The following DYNC2I1 variants were observed in gnomAD, a reference collection of about 807,000 sequenced individuals.
DYNC2I1 encodes cytoplasmic dynein 2 intermediate chain 1.
Under a neutral mutation model 133.4 loss-of-function variants are expected in DYNC2I1, and 89 were observed. The observed-to-expected ratio is 0.67, with a 90% CI of 0.56 to 0.80. DYNC2I1 has a LOEUF of 0.80. Ranked by LOEUF, DYNC2I1 falls within the 30% of genes least tolerant of loss-of-function variation. The pLI is 0.00. For missense variants in DYNC2I1, 1,291 were observed against 1,314.5 expected, an observed-to-expected ratio of 0.98 and a Z score of 0.28; for synonymous variants, 504 against 484.3, an observed-to-expected ratio of 1.04 and a Z score of -0.54.
chr7:158,923,466 G>C, intron 16 of DYNC2I1, 105 bp from the exon 17 acceptor site: 1 of 1,509,776 alleles, frequency 6.6e-7, no homozygotes, highest in South Asian at 1.1e-5. Flanking sequence ...GGTGACTCCC[G>C]TGCAAAGTGA....
chr7:158,876,631 G>A lies in DYNC2I1; in HGVS notation c.513G>A (p.Glu171=). The change falls in exon 4 of 25, where the codon GAG becomes GAA. Residue 171 remains glutamate (E), a synonymous_variant. Coordinates refer to ENST00000407559, the MANE Select transcript of DYNC2I1 (RefSeq NM_018051.5). ...GRSVSKVRSE[E]KDEDSERGDE... ...TAGTAAGTAAAGTAAGAAGTGAAGA[G>A]AAAGATGAAGACTCTGAAAGAGGAG... 1 of 1,579,670 alleles carries A rather than the reference G, an allele frequency of 6.3e-7. No homozygotes were observed. The highest frequency in any genetic ancestry group is 8.6e-7 in the Non-Finnish European group (1 of 1,169,238).
chr7:158,913,779 G>C (rs1847728138), intron 13 of DYNC2I1, among the ~76,000 whole-genome samples: 1 of 152,148 alleles, frequency 6.6e-6, no homozygotes, highest in African/African-American at 2.4e-5. Flanking sequence ...CATGATCTCA[G>C]CTCACTGTAA....
chr7:158,851,185 T>C, the DYNC2I1 span, among the ~76,000 whole-genome samples: 2 of 152,154 alleles, frequency 1.3e-5, no homozygotes, highest in Non-Finnish European at 2.9e-5. Flanking sequence ...AGTCTTTTCT[T>C]TTGAAACAGG....
At chr7:158,866,953 C>G (rs1338212022) in intron 1 of DYNC2I1, among the ~76,000 whole-genome samples, 1 of 149,516 alleles carries the variant, frequency 6.7e-6, no homozygotes, top group Non-Finnish European at 1.5e-5. Flanking sequence ...CTAATTTTCA[C>G]ATTCCAGGAA....
chr7:158,934,522 T>A lies in DYNC2I1; in HGVS notation c.2751T>A (p.Phe917Leu). The A allele has an allele frequency of 6.4e-7, 1 of 1,557,110 alleles. No individual in the cohort carries two copies. Among genetic ancestry groups the A allele is most frequent in the Non-Finnish European group, 8.7e-7 (1 of 1,149,634 alleles). Reference sequence around the variant, plus strand: ...CAGTGAAAGTTAATGTCATTGATTTTTCACCATTTGGAGAACCAATATTTT... The same window carrying A: ...CAGTGAAAGTTAATGTCATTGATTTATCACCATTTGGAGAACCAATATTTT... ...IRPVKVNVID[F>L]SPFGEPIFLA... Residue 917 changes from phenylalanine to leucine, a missense_variant, in exon 23 of 25, where the codon TTT (phenylalanine) becomes TTA (leucine). Transcript: ENST00000407559.
chr7:158,917,648 T>C (rs1302067131), intron 14 of DYNC2I1, among the ~76,000 whole-genome samples: 1 of 134,386 alleles, frequency 7.4e-6, no homozygotes, highest in Admixed American at 7.4e-5. Flanking sequence ...ACCCTCCGCC[T>C]CTCGCTAAAC....
At chr7:158,840,699 C>T in the DYNC2I1 span, among the ~76,000 whole-genome samples, 5 of 152,322 alleles carry the variant, frequency 3.3e-5, 1 homozygote, top group South Asian at 4.1e-4. Flanking sequence ...TATTTACACA[C>T]GAATCAGATA....
chr7:158,868,618 G>A (rs1842620486), intron 1 of DYNC2I1, among the ~76,000 whole-genome samples: 1 of 152,254 alleles, frequency 6.6e-6, no homozygotes, highest in South Asian at 2.1e-4. Context: ...TACAAGTACA[G>A]GGCCCTGGAG....
In DYNC2I1 at chr7:158,926,405, T is replaced by A; in HGVS notation, c.2375T>A (p.Met792Lys). 1 of 1,612,872 alleles carries A rather than the reference T, an allele frequency of 6.2e-7. No homozygotes were observed. The highest frequency in any genetic ancestry group is 1.1e-5 in the South Asian group (1 of 90,834). Residue 792 changes from methionine to lysine, a missense_variant, in exon 19 of 25, where the codon ATG (methionine) becomes AAG (lysine). Coordinates refer to ENST00000407559, the MANE Select transcript of DYNC2I1 (RefSeq NM_018051.5). ...TTTTTGTTTCTGTCTTCATCAGAAA[T>A]GTCAGGTTTGTCCTTCCACATCGCT... The part of the protein sequence containing the change: ...VLSPFSTQEE[M>K]SGLSFHIASL...
intron 4 of DYNC2I1, among the ~76,000 whole-genome samples, chr7:158,877,366 C>T (rs1465930423): frequency 6.6e-6 from 1 of 152,152 alleles, no homozygotes; most frequent in Non-Finnish European, 1.5e-5. Context: ...TAGGTTGTTT[C>T]TGTGTGTTTG....
chr7:158,902,497 A>G lies in DYNC2I1; in HGVS notation c.1259A>G (p.Gln420Arg), dbSNP rs1289936794. The G allele has an allele frequency of 1.9e-6, 3 of 1,614,068 alleles. No homozygotes were observed. Among genetic ancestry groups the G allele is most frequent in the African/African-American group, 1.3e-5 (1 of 75,070 alleles). ...LAQKKEIQEI[Q>R]RAINAENERI... ...CAAAAAAAGGAAATACAAGAAATTCAAAGAGCTATTAATGCAGAAAATGAA... is the reference window on the plus strand; with the variant it reads ...CAAAAAAAGGAAATACAAGAAATTCGAAGAGCTATTAATGCAGAAAATGAA... Residue 420 changes from glutamine (Q) to arginine (R), a missense_variant, in exon 10 of 25, where the codon CAA (glutamine) becomes CGA (arginine). Coordinates refer to ENST00000407559, the MANE Select transcript of DYNC2I1 (RefSeq NM_018051.5).
intron 8 of DYNC2I1, among the ~76,000 whole-genome samples, chr7:158,893,395 C>T (rs1004451706): frequency 9.2e-5 from 14 of 152,152 alleles, no homozygotes; most frequent in African/African-American, 2.9e-4. Context: ...TTTGAAAATG[C>T]GTTTAATATG....
intron 4 of DYNC2I1, among the ~76,000 whole-genome samples, chr7:158,951,918 C>T (rs568579974): frequency 6.6e-5 from 10 of 152,302 alleles, no homozygotes; most frequent in African/African-American, 2.2e-4. Context: ...TCTGGAGCCT[C>T]CGTGTTGACA....
chr7:158,880,052 C>T, intron 5 of DYNC2I1, 63 bp downstream of exon 5: 5 of 1,522,974 alleles, frequency 3.3e-6, no homozygotes, highest in Admixed American at 2.3e-5. Flanking sequence ...TCAGAGGAGG[C>T]TTACCGGGCG....
chr7:158,896,907 C>G (rs1438094994), intron 8 of DYNC2I1, among the ~76,000 whole-genome samples: 1 of 150,174 alleles, frequency 6.7e-6, no homozygotes. Context: ...CTGGATCATG[C>G]TGGCCTCATA....
Position 158,942,068 on chromosome 7 carries a change from C to A in DYNC2I1, c.2922C>A (p.Asp974Glu). Residue 974 changes from aspartate to glutamate, a missense_variant, in exon 24 of 25, where the codon GAC (aspartate) becomes GAA (glutamate). Asp to Glu is a conservative substitution (Grantham distance 45). Coordinates refer to ENST00000407559, the MANE Select transcript of DYNC2I1 (RefSeq NM_018051.5). ...PTRPAVFLVQ[D>E]DTSNIYIWDL... ...GGCCTGCCGTGTTCCTGGTGCAGGA[C>A]GACACATCCAACATCTACATCTGGG... 2 of 1,611,606 alleles carry A rather than the reference C, an allele frequency of 1.2e-6. No individual in the cohort carries two copies.
chr7:158,840,901 A>G, the DYNC2I1 span, among the ~76,000 whole-genome samples: 1 of 152,158 alleles, frequency 6.6e-6, no homozygotes, highest in Non-Finnish European at 1.5e-5. Flanking sequence ...GCTGGAGCAG[A>G]GAGCAATGCC....
downstream of DYNC2I1, among the ~76,000 whole-genome samples, chr7:158,958,010 A>AGG (rs1208518543): frequency 6.6e-6 from 1 of 152,074 alleles, no homozygotes; most frequent in Non-Finnish European, 1.5e-5. Context: ...TTTACTCACT[A>AGG]TCTGCCCGTC....
At chr7:158,927,115 C>T (rs930931450) in intron 20 of DYNC2I1, 72 bp downstream of exon 20, 27 of 1,148,030 alleles carry the variant, frequency 2.4e-5, no homozygotes, top group African/African-American at 1.2e-4. Context: ...CTGATAACTG[C>T]GGTCAGGTGC....
Sources: allele counts gnomAD v4.1 joint callset (sites outside exome capture counted in the v4.1 genomes callset), GRCh38; gene constraint gnomAD v4.1.1; transcripts MANE v1.5; gene names NCBI Gene and HGNC (gene_info 2026-07-23, HGNC 2026-07-21).